Variants in IQSEC2 observed in about 807,000 individuals in gnomAD.
The protein encoded by IQSEC2 is IQ motif and Sec7 domain ArfGEF 2, also known as IQ motif and SEC7 domain-containing protein 2.
In IQSEC2, 6 loss-of-function variants were observed where a neutral mutation model predicts 74.6. The observed-to-expected ratio is 0.08, with a 90% CI of 0.04 to 0.16. The LOEUF is 0.16. Among genes scored for constraint, IQSEC2 ranks in the 10% least tolerant of loss-of-function variants. The pLI, the probability that IQSEC2 is intolerant of heterozygous loss-of-function variation, is 1.00. For synonymous variants in IQSEC2, 494 were observed against 544.5 expected (o/e 0.91, Z 1.29); for missense variants, 734 against 1,306.2 (o/e 0.56, Z 6.75).
intron 1 of IQSEC2, among the ~76,000 whole-genome samples, chrX:53,311,897 C>T (rs1460860980): frequency 9.0e-6 from 1 of 111,267 alleles, no homozygotes; most frequent in East Asian, 2.8e-4. Flanking sequence ...CCAGCCTGGG[C>T]GAAAGAGCAA....
rs1481060300 is a variant in IQSEC2, at chrX:53,251,064, C to T, written c.1512G>A (p.Gln504=). The T allele has an allele frequency of 8.3e-7, 1 of 1,211,861 alleles. No homozygotes were observed. The highest frequency in any genetic ancestry group is 1.7e-5 in the African/African-American group (1 of 57,816). ...AQLEKRESKE[Q]QEDSSATSFS... Reference sequence around the variant, plus strand: ...AGGATGTGGCTGAGCTGTCCTCTTGCTGTTCCTTTGACTCCCGCTTCTCCA... The same window carrying T: ...AGGATGTGGCTGAGCTGTCCTCTTGTTGTTCCTTTGACTCCCGCTTCTCCA... The change falls in exon 5 of 15, where the codon CAG becomes CAA. Residue 504 remains glutamine, a synonymous_variant. Transcript: ENST00000642864.
At chrX:53,261,376 A>T (rs1386717776) in intron 2 of IQSEC2, among the ~76,000 whole-genome samples, 2 of 110,419 alleles carry the variant, frequency 1.8e-5, no homozygotes, top group African/African-American at 6.6e-5. Flanking sequence ...TCAGTTTCTC[A>T]TCTGTGCAGG....
chrX:53,226,515 C>T (rs782687118), downstream of IQSEC2: 1 of 112,549 alleles, frequency 8.9e-6, no homozygotes, highest in African/African-American at 3.2e-5. Flanking sequence ...AATAAATGTC[C>T]TTAGTATATA....
intron 2 of IQSEC2, among the ~76,000 whole-genome samples, chrX:53,291,390 A>G (rs1556872998): frequency 8.9e-6 from 1 of 111,925 alleles, no homozygotes; most frequent in East Asian, 2.8e-4. Flanking sequence ...AACTTTTTTT[A>G]CCAAGCACAC....
At chrX:53,311,453 T>C (rs929367488) in intron 1 of IQSEC2, among the ~76,000 whole-genome samples, 3 of 111,209 alleles carry the variant, frequency 2.7e-5, no homozygotes, top group Non-Finnish European at 5.7e-5. Flanking sequence ...TTATCTCTAC[T>C]CCCACTGCCC....
At position 53,239,304 on chromosome X, in the gene IQSEC2, G is replaced by A; in HGVS notation, c.3016-10C>T. 17 of 1,148,042 alleles carry A rather than the reference G, an allele frequency of 1.5e-5. No homozygotes were observed. Among genetic ancestry groups the A allele is most frequent in the Non-Finnish European group, 2.0e-5 (17 of 838,768 alleles). The allele number at this position is 1,148,042 out of a possible 1,213,427, so 94.6% of individuals were successfully genotyped here. A position where few individuals can be genotyped will look rare whatever the true frequency, so the allele number is the denominator to read the frequency against. On this transcript the variant is annotated splice_polypyrimidine_tract_variant and intron_variant, in intron 10 of 14. Coordinates refer to ENST00000642864, the MANE Select transcript of IQSEC2 (RefSeq NM_001111125.3). ...GGAAAATTTTGGTGACCTTTGGCAG[G>A]GGTGGGAAAAAGACAAGAGGCAGCG...
intron 1 of IQSEC2, among the ~76,000 whole-genome samples, chrX:53,309,193 AG>A (rs2075297331): frequency 9.0e-6 from 1 of 110,996 alleles, no homozygotes. Context: ...GGTAGGAAAA[AG>A]TCAAGATAAT....
chrX:53,308,849 G>C (rs2146500378), intron 1 of IQSEC2, among the ~76,000 whole-genome samples: 1 of 110,384 alleles, frequency 9.1e-6, no homozygotes, highest in African/African-American at 3.3e-5. Context: ...TGCAATCCCA[G>C]CACTCTGGAA....
intron 2 of IQSEC2, among the ~76,000 whole-genome samples, chrX:53,257,480 A>G (rs2074493182): frequency 9.0e-6 from 1 of 111,363 alleles, no homozygotes; most frequent in Non-Finnish European, 1.9e-5. Context: ...TGGCCCTGAC[A>G]TCACCCCCAC....
At chrX:53,240,743 T>A (rs1556860682) in intron 10 of IQSEC2, among the ~76,000 whole-genome samples, 1 of 111,220 alleles carries the variant, frequency 9.0e-6, no homozygotes, top group Non-Finnish European at 1.9e-5. Flanking sequence ...CTACTTGTAA[T>A]GAGCTCAGTT....
chrX:53,320,390 C>T, intron 1 of IQSEC2, 27 bp downstream of exon 1: 1 of 1,120,153 alleles, frequency 8.9e-7, no homozygotes, highest in South Asian at 1.9e-5. Flanking sequence ...GAGGGAAGAG[C>T]CGGGGGTACA....
At chrX:53,298,692 T>C (rs1556874859) in intron 1 of IQSEC2, among the ~76,000 whole-genome samples, 1 of 111,603 alleles carries the variant, frequency 9.0e-6, no homozygotes, top group Non-Finnish European at 1.9e-5. Flanking sequence ...TTCCCTCCAT[T>C]CTCTATTTCT....
Position 53,234,461 on chromosome X carries a change from G to A in IQSEC2, c.4225C>T (p.Arg1409Trp). 1 of 1,082,176 alleles carries A rather than the reference G, an allele frequency of 9.2e-7. No homozygotes were observed. The highest frequency in any genetic ancestry group is 3.5e-5 in the East Asian group (1 of 28,645). The allele number at this position is 1,082,176 out of a possible 1,213,427, so 89.2% of individuals were successfully genotyped here. ...TGGGAGTAGGAGCCCCCTGGTGGCC[G>A]GGATCCAGGGCCCCCAGCCGCGCCT... ...AAGAAGGPGSRPPGGSYSHPH... is the reference protein window; with the variant it reads ...AAGAAGGPGSWPPGGSYSHPH... Residue 1409 changes from arginine to tryptophan, a missense_variant, in exon 15 of 15, where the codon CGG (arginine) becomes TGG (tryptophan). Physicochemically the swap from Arg to Trp is moderately radical, Grantham distance 101. Coordinates refer to ENST00000642864, the MANE Select transcript of IQSEC2 (RefSeq NM_001111125.3).
At chrX:53,226,091 C>T (rs2074035588), downstream of IQSEC2, 1 of 112,658 alleles carries the variant, frequency 8.9e-6, no homozygotes, top group African/African-American at 3.2e-5. Context: ...GTGCACTTAC[C>T]AAACATCCGT....
chrX:53,229,459 G>C (rs1556858111), downstream of IQSEC2: 1 of 111,831 alleles, frequency 8.9e-6, no homozygotes, highest in African/African-American at 3.3e-5. Context: ...CCAACACTTT[G>C]GGAGGCTGAG....
intron 2 of IQSEC2, among the ~76,000 whole-genome samples, chrX:53,274,492 T>C (rs2074795562): frequency 1.2e-5 from 1 of 81,687 alleles, no homozygotes. Flanking sequence ...GACGGAGTCT[T>C]GCTCTGTTGC....
At chrX:53,240,799 A>G (rs2074206327) in intron 10 of IQSEC2, among the ~76,000 whole-genome samples, 1 of 104,556 alleles carries the variant, frequency 9.6e-6, no homozygotes, top group African/African-American at 3.5e-5. Flanking sequence ...TTTTTGAGAC[A>G]GAGTTTCACT....
intron 1 of IQSEC2, among the ~76,000 whole-genome samples, chrX:53,300,510 G>GA (rs1419570451): frequency 9.0e-6 from 1 of 111,445 alleles, no homozygotes; most frequent in Non-Finnish European, 1.9e-5. Flanking sequence ...CTCTCCCAGC[G>GA]ACTGGGAGCT....
intron 2 of IQSEC2, among the ~76,000 whole-genome samples, chrX:53,286,352 C>T (rs934942611): frequency 8.9e-6 from 1 of 112,254 alleles, no homozygotes; most frequent in African/African-American, 3.2e-5. Context: ...CAAGTGTTTG[C>T]CTCTGAGCCG....
Sources: gnomAD v4.1 joint callset for allele counts (sites outside exome capture counted in the v4.1 genomes callset) on GRCh38, gnomAD v4.1.1 for gene constraint, MANE v1.5 for transcripts, NCBI Gene and HGNC (gene_info 2026-07-23, HGNC 2026-07-21) for gene names.